KIAA0825: variants seen among roughly 807,000 people sequenced by gnomAD.
The protein encoded by KIAA0825 is KIAA0825.
A neutral mutation model predicts 147.6 loss-of-function variants in KIAA0825; 119 were observed. That is an observed-to-expected ratio of 0.81 (90% CI 0.69 to 0.94). The LOEUF is 0.94. KIAA0825 is among the 40% of genes least tolerant of loss of function. The pLI is 0.00. For synonymous variants in KIAA0825, 470 were observed against 518.1 expected (o/e 0.91, Z 1.26); for missense variants, 1,381 against 1,472.7 (o/e 0.94, Z 1.02).
intron 1 of KIAA0825, among the ~76,000 whole-genome samples, chr5:94,612,909 G>T (rs749072867): frequency 6.6e-6 from 1 of 152,116 alleles, no homozygotes; most frequent in Non-Finnish European, 1.5e-5. Flanking sequence ...TCTGATGCTT[G>T]TGTACCTACA....
chr5:94,555,198 G>A (rs978637534), intron 2 of KIAA0825, among the ~76,000 whole-genome samples: 8 of 152,070 alleles, frequency 5.3e-5, no homozygotes, highest in African/African-American at 1.9e-4. Context: ...ATTACTGGGA[G>A]TTGAGATTTT....
At chr5:94,446,323 A>G (rs1197331203) in intron 13 of KIAA0825, among the ~76,000 whole-genome samples, 1 of 152,204 alleles carries the variant, frequency 6.6e-6, no homozygotes, top group East Asian at 1.9e-4. Context: ...GGACACATAT[A>G]TAGTTTAAGT....
intron 20 of KIAA0825, among the ~76,000 whole-genome samples, chr5:94,262,378 A>G (rs1468347004): frequency 6.6e-6 from 1 of 152,142 alleles, no homozygotes; most frequent in East Asian, 1.9e-4. Flanking sequence ...GATAAAATTT[A>G]AACATTTTTA....
At chr5:94,324,755 C>T (rs1281314955) in intron 20 of KIAA0825, among the ~76,000 whole-genome samples, 1 of 151,822 alleles carries the variant, frequency 6.6e-6, no homozygotes, top group Admixed American at 6.6e-5. Flanking sequence ...AAGGTCACAG[C>T]ATTTTAAGCA....
Position 94,409,825 on chromosome 5 carries a change from A to G in KIAA0825, c.2663-6032T>C, listed in dbSNP as rs143337988. ...AGATCTGCCCTAATAAAGCTTGAAA[A>G]CAACTAACTCTCAAGATGATCAAGG... On this transcript the variant is annotated intron_variant, in intron 15 of 20. Transcript: ENST00000682413. Among the ~76,000 whole-genome samples, 396 of 152,336 alleles carry G rather than the reference A, an allele frequency of 2.6e-3. 1 individual carries two copies. Among genetic ancestry groups the G allele is most frequent in the African/African-American group, 9.0e-3 (374 of 41,574 alleles).
intron 20 of KIAA0825, among the ~76,000 whole-genome samples, chr5:94,323,030 T>C (rs933997415): frequency 2.6e-5 from 4 of 151,910 alleles, no homozygotes; most frequent in Non-Finnish European, 5.9e-5. Flanking sequence ...CATCTGTTTA[T>C]GGTAGGGATT....
intron 5 of KIAA0825, among the ~76,000 whole-genome samples, chr5:94,492,207 G>T (rs1044475214): frequency 6.6e-6 from 1 of 152,128 alleles, no homozygotes; most frequent in African/African-American, 2.4e-5. Context: ...CATAGCGGAG[G>T]GGCTAACACA....
At chr5:94,356,725 C>CTCTTTTTTTT in intron 20 of KIAA0825, among the ~76,000 whole-genome samples, 1 of 116,738 alleles carries the variant, frequency 8.6e-6, no homozygotes, top group South Asian at 2.7e-4. Flanking sequence ...AACTTGATTT[C>CTCTTTTTTTT]TTTTTTTTTT....
chr5:94,156,320 CA>C (rs1583690405), intron 20 of KIAA0825, among the ~76,000 whole-genome samples: 1 of 152,038 alleles, frequency 6.6e-6, no homozygotes. Flanking sequence ...TTTTACTTTC[CA>C]AAAAATATTG....
At chr5:94,204,312 A>G (rs927753242) in intron 20 of KIAA0825, among the ~76,000 whole-genome samples, 2 of 152,302 alleles carry the variant, frequency 1.3e-5, no homozygotes, top group South Asian at 4.1e-4. Context: ...TCAAGTTCAC[A>G]TTAAAGTAGT....
intron 20 of KIAA0825, among the ~76,000 whole-genome samples, chr5:94,309,183 G>T (rs1192701170): frequency 6.6e-6 from 1 of 151,808 alleles, no homozygotes; most frequent in African/African-American, 2.4e-5. Context: ...GGTGATGATA[G>T]TGTAGGATAT....
At chr5:94,288,990 C>G (rs1777771022) in intron 20 of KIAA0825, among the ~76,000 whole-genome samples, 1 of 152,176 alleles carries the variant, frequency 6.6e-6, no homozygotes, top group Non-Finnish European at 1.5e-5. Flanking sequence ...ATCAACCCCC[C>G]TTTCTTGACA....
At chr5:94,310,580 A>T (rs1399854944) in intron 20 of KIAA0825, among the ~76,000 whole-genome samples, 1 of 151,698 alleles carries the variant, frequency 6.6e-6, no homozygotes, top group Admixed American at 6.6e-5. Context: ...ATAGAACATA[A>T]TCAACTATTA....
intron 20 of KIAA0825, among the ~76,000 whole-genome samples, chr5:94,298,021 C>G (rs1778216945): frequency 6.9e-6 from 1 of 145,832 alleles, no homozygotes; most frequent in Non-Finnish European, 1.5e-5. Flanking sequence ...CCAACGTGGA[C>G]AGATCATGAG....
At chr5:94,579,605 T>G (rs1781708399) in intron 2 of KIAA0825, among the ~76,000 whole-genome samples, 1 of 152,152 alleles carries the variant, frequency 6.6e-6, no homozygotes, top group South Asian at 2.1e-4. Flanking sequence ...AATACATAAA[T>G]CTGAAAGTGC....
chr5:94,438,972 G>C (rs1019194411), intron 14 of KIAA0825, among the ~76,000 whole-genome samples: 11 of 152,166 alleles, frequency 7.2e-5, no homozygotes, highest in African/African-American at 2.7e-4. Context: ...AGCATTCAAA[G>C]CTCCGAAACA....
At position 94,586,315 on chromosome 5, in the gene KIAA0825, A is replaced by G. The variant is rs973948401; in HGVS notation, c.-152-3732T>C. ...TAGCCAGACTAATAAAGAAGAAAGG[A>G]AAGAAGAATCAAATAGATGCAATAA... On this transcript the variant is annotated intron_variant, in intron 1 of 20. Coordinates refer to ENST00000682413, the MANE Select transcript of KIAA0825 (RefSeq NM_001145678.3). Among the ~76,000 whole-genome samples the G allele has an allele frequency of 7.9e-5, 12 of 152,356 alleles. No homozygotes were observed. In the South Asian group the frequency reaches 2.5e-3, roughly 32 times the overall value.
intron 1 of KIAA0825, among the ~76,000 whole-genome samples, chr5:94,598,629 C>G (rs1785739469): frequency 6.6e-6 from 1 of 152,018 alleles, no homozygotes; most frequent in African/African-American, 2.4e-5. Context: ...AACTATTATG[C>G]ACTGTATGCT....
chr5:94,578,605 T>C (rs970905307), intron 2 of KIAA0825, among the ~76,000 whole-genome samples: 7 of 152,240 alleles, frequency 4.6e-5, no homozygotes, highest in African/African-American at 1.7e-4. Flanking sequence ...GATCTCATTA[T>C]AATGCTCTTG....
Sources: allele counts gnomAD v4.1 joint callset (sites outside exome capture counted in the v4.1 genomes callset), GRCh38; gene constraint gnomAD v4.1.1; transcripts MANE v1.5; gene names NCBI Gene and HGNC (gene_info 2026-07-23, HGNC 2026-07-21).